The following PDE7A variants were observed in gnomAD, a reference collection of about 807,000 sequenced individuals.
PDE7A encodes the protein phosphodiesterase 7A.
Under a neutral mutation model 64.3 loss-of-function variants are expected in PDE7A, and 39 were observed. The observed-to-expected ratio is 0.61, with a 90% CI of 0.47 to 0.79. The LOEUF is 0.79. Among genes scored for constraint, PDE7A ranks in the 30% least tolerant of loss-of-function variants. The pLI is 0.00. For synonymous variants in PDE7A, 203 were observed against 206.8 expected (o/e 0.98, Z 0.16); for missense variants, 470 against 582.8 (o/e 0.81, Z 1.99).
chr8:65,745,494 T>A, intron 4 of PDE7A, 24 bp from the exon 5 acceptor site: 1 of 1,312,396 alleles, frequency 7.6e-7, no homozygotes, highest in Non-Finnish European at 1.1e-6. Flanking sequence ...CAAACATTTC[T>A]ACTGTAATTT....
intron 1 of PDE7A, among the ~76,000 whole-genome samples, chr8:65,802,761 C>T (rs544002832): frequency 2.8e-4 from 42 of 152,120 alleles, no homozygotes; most frequent in Non-Finnish European, 5.0e-4. Flanking sequence ...TGATATAGTT[C>T]GGATATTTGT....
intron 1 of PDE7A, among the ~76,000 whole-genome samples, chr8:65,829,108 A>T (rs1018274748): frequency 6.6e-6 from 1 of 152,144 alleles, no homozygotes; most frequent in African/African-American, 2.4e-5. Flanking sequence ...AAAAAATTTA[A>T]ATTACTAAAA....
intron 1 of PDE7A, among the ~76,000 whole-genome samples, chr8:65,815,804 A>T (rs1810387213): frequency 6.6e-6 from 1 of 152,202 alleles, no homozygotes. Context: ...CAAAACTATC[A>T]CTTCTTGAGT....
chr8:65,757,912 C>T (rs1239536792), intron 3 of PDE7A, among the ~76,000 whole-genome samples: 1 of 152,218 alleles, frequency 6.6e-6, no homozygotes, highest in African/African-American at 2.4e-5. Context: ...CCACCACACC[C>T]AGCCAACTCC....
Position 65,739,602 on chromosome 8 carries a change from A to G in PDE7A, c.500-5T>C. 6.6e-7 allele frequency: 1 copy of G among 1,510,340 alleles called. No individual in the cohort carries two copies. Among genetic ancestry groups the G allele is most frequent in the Non-Finnish European group, 8.8e-7 (1 of 1,134,684 alleles). The allele number at this position is 1,510,340 out of a possible 1,614,324, so 93.6% of individuals were successfully genotyped here. On this transcript the variant is annotated splice_polypyrimidine_tract_variant and splice_region_variant and intron_variant, in intron 5 of 12. Coordinates refer to ENST00000401827, the MANE Select transcript of PDE7A (RefSeq NM_001242318.3). ...TTAAGCTTACTAGACTATTTCCTAA[A>G]AAGAAAGAAGAGACATTACATTAGT...
At chr8:65,806,277 A>C (rs1395440243) in intron 1 of PDE7A, among the ~76,000 whole-genome samples, 1 of 151,354 alleles carries the variant, frequency 6.6e-6, no homozygotes, top group African/African-American at 2.4e-5. Flanking sequence ...ACTATTTTAA[A>C]TTTGTAGTAA....
intron 1 of PDE7A, chr8:65,788,895 C>T (rs765769469): frequency 1.9e-6 from 3 of 1,609,534 alleles, no homozygotes; most frequent in Non-Finnish European, 2.6e-6. Flanking sequence ...AGAGGTGATC[C>T]ACTTGATAAG....
intron 12 of PDE7A, among the ~76,000 whole-genome samples, chr8:65,720,841 T>TTA (rs2129063755): frequency 6.6e-6 from 1 of 152,326 alleles, no homozygotes; most frequent in Admixed American, 6.5e-5. Context: ...CAGTGTTATG[T>TTA]TGAGCCAGCC....
Position 65,715,362 on chromosome 8 carries a change from C to G in PDE7A, c.*3928G>C, listed in dbSNP as rs982833154. Among the ~76,000 whole-genome samples the G allele has an allele frequency of 1.3e-5, 2 of 151,610 alleles. No homozygotes were observed. The highest frequency in any genetic ancestry group is 2.1e-4 in the South Asian group (1 of 4,806). On this transcript the variant is annotated 3_prime_UTR_variant, in exon 13 of 13. Transcript: ENST00000401827. The stretch of plus-strand genomic sequence containing the variant: ...ACCAGCCAAGCCAACAAAGAGAGAC[C>G]CTGTCTCTATAAAAAAGTTTTTTTT...
chr8:65,774,269 C>T (rs1243638085), intron 3 of PDE7A, among the ~76,000 whole-genome samples: 1 of 152,064 alleles, frequency 6.6e-6, no homozygotes, highest in African/African-American at 2.4e-5. Context: ...AATCCTCATG[C>T]TAATAAATAT....
Position 65,842,016 on chromosome 8 carries a change from C to T in PDE7A, c.-508G>A, listed in dbSNP as rs1045296177. Reference sequence around the variant, plus strand: ...GCCGGAGTCCTGCTCCTCCCCTCCCCCGGAGCCTGACTTCACTCCGCCGCC... The same window carrying T: ...GCCGGAGTCCTGCTCCTCCCCTCCCTCGGAGCCTGACTTCACTCCGCCGCC... On this transcript the variant is annotated 5_prime_UTR_variant, in exon 1 of 13. Transcript: ENST00000401827. 49 of 235,030 alleles carry T rather than the reference C, an allele frequency of 2.1e-4. 1 individual carries two copies. Among genetic ancestry groups the T allele is most frequent in the African/African-American group, 1.0e-3 (43 of 41,482 alleles). 14.6% of individuals were successfully genotyped at this position (235,030 alleles called of 1,614,324 possible). A position where few individuals can be genotyped will look rare whatever the true frequency, so the allele number is the denominator to read the frequency against.
At chr8:65,757,175 G>C (rs970720743) in intron 3 of PDE7A, among the ~76,000 whole-genome samples, 1 of 152,176 alleles carries the variant, frequency 6.6e-6, no homozygotes, top group Non-Finnish European at 1.5e-5. Context: ...CAGAAAAGTG[G>C]GCAGACATTA....
In PDE7A at chr8:65,715,665, A is replaced by C; in HGVS notation, c.*3625T>G. ...AGTGCTGGGATTACAGGTGTGAGCC[A>C]CCATGCCCGGCCACAAAAATGTTCT... On this transcript the variant is annotated 3_prime_UTR_variant, in exon 13 of 13. Transcript: ENST00000401827. Among the ~76,000 whole-genome samples, 1 of 144,262 alleles carries C rather than the reference A, an allele frequency of 6.9e-6. No homozygotes were observed. 94.6% of individuals were successfully genotyped at this position (144,262 alleles called of 152,430 possible). A position where few individuals can be genotyped will look rare whatever the true frequency, so the allele number is the denominator to read the frequency against.
At chr8:65,780,265 T>C (rs1035219860) in intron 2 of PDE7A, among the ~76,000 whole-genome samples, 3 of 152,204 alleles carry the variant, frequency 2.0e-5, no homozygotes, top group African/African-American at 7.2e-5. Context: ...AGCACTATAC[T>C]ATGGGCTAAA....
chr8:65,734,759 A>G, intron 7 of PDE7A, 35 bp downstream of exon 7: 2 of 1,189,288 alleles, frequency 1.7e-6, no homozygotes, highest in South Asian at 2.5e-5. Context: ...GAATTTTCTT[A>G]TGATTTTCAC....
At position 65,724,887 on chromosome 8, in the gene PDE7A, G is replaced by A. The variant is rs888773008; in HGVS notation, c.955C>T (p.Leu319=). ...TTCTGGCGACTGATGTCTGTGGCTA[G>A]TATCAGAGCACCTATCTGTGTCTCC... ...QMETQIGALI[L]ATDISRQNEY... is the part of the protein sequence containing the mutation. The change falls in exon 10 of 13, where the codon CTA becomes TTA. Residue 319 remains leucine (L), a synonymous_variant. Coordinates refer to ENST00000401827, the MANE Select transcript of PDE7A (RefSeq NM_001242318.3). The A allele has an allele frequency of 6.2e-7, 1 of 1,609,764 alleles. No individual in the cohort carries two copies. Among genetic ancestry groups the A allele is most frequent in the Non-Finnish European group, 8.5e-7 (1 of 1,176,814 alleles).
chr8:65,792,228 GGA>G (rs1299109125), intron 1 of PDE7A, among the ~76,000 whole-genome samples: 1 of 152,228 alleles, frequency 6.6e-6, no homozygotes, highest in South Asian at 2.1e-4. Flanking sequence ...TTAATGCATA[GGA>G]TACACTTAAA....
Position 65,715,526 on chromosome 8 carries a change from C to A in PDE7A, c.*3764G>T, listed in dbSNP as rs538642189. On this transcript the variant is annotated 3_prime_UTR_variant, in exon 13 of 13. Coordinates refer to ENST00000401827, the MANE Select transcript of PDE7A (RefSeq NM_001242318.3). ...CCGAGTAGCTGGGATTACAGGAATG[C>A]GCCACCACGCCCAGCTAATTTTTGC... 1.3e-5 allele frequency among the ~76,000 whole-genome samples: 2 copies of A among 151,502 alleles called. No homozygotes were observed. Among genetic ancestry groups the A allele is most frequent in the East Asian group, 4.0e-4 (2 of 5,056 alleles).
chr8:65,775,935 T>C lies in PDE7A; in HGVS notation c.283+3785A>G, dbSNP rs372573891. Among the ~76,000 whole-genome samples the C allele has an allele frequency of 2.2e-3, 338 of 152,288 alleles. 1 individual carries two copies. The highest frequency in any genetic ancestry group is 7.7e-3 in the South Asian group (37 of 4,828). On this transcript the variant is annotated intron_variant, in intron 3 of 12. Transcript: ENST00000401827. The stretch of plus-strand genomic sequence containing the variant: ...GAGCCACCATGCCCGGCCTCTTCCC[T>C]TTTCTTTGTAGCAAAAGTCTCTAAA...
Sources: allele counts gnomAD v4.1 joint callset (sites outside exome capture counted in the v4.1 genomes callset), GRCh38; gene constraint gnomAD v4.1.1; transcripts MANE v1.5; gene names NCBI Gene and HGNC (gene_info 2026-07-23, HGNC 2026-07-21).